BBOX1: variants seen among roughly 807,000 people sequenced by gnomAD.
BBOX1 encodes the protein gamma-butyrobetaine hydroxylase 1.
A neutral mutation model predicts 41.6 loss-of-function variants in BBOX1; 35 were observed. That is an observed-to-expected ratio of 0.84 (90% CI 0.64 to 1.11). BBOX1 has a LOEUF of 1.11. Ranked by LOEUF, BBOX1 falls within the 50% of genes most tolerant of loss-of-function variation. The probability of loss-of-function intolerance (pLI) is 0.00; values close to 1 mark genes in which losing one functional copy is unlikely to be tolerated. For missense variants in BBOX1, 458 were observed against 460.6 expected, an observed-to-expected ratio of 0.99 and a Z score of 0.05; for synonymous variants, 163 against 154.7, an observed-to-expected ratio of 1.05 and a Z score of -0.40.
intron 4 of BBOX1, among the ~76,000 whole-genome samples, chr11:27,069,176 G>T (rs1234547751): frequency 6.6e-6 from 1 of 151,986 alleles, no homozygotes; most frequent in African/African-American, 2.4e-5. Context: ...GGGCAATGTG[G>T]TCATTCTTAA....
chr11:27,119,800 T>C lies in BBOX1; in HGVS notation c.791T>C (p.Val264Ala). Residue 264 changes from valine to alanine, a missense_variant, in exon 7 of 9, where the codon GTG becomes GCG. Val to Ala is a moderately conservative substitution (Grantham distance 64). Transcript: ENST00000263182. ...STFVDFTDIG[V>A]DYCDFSVQSK... ...TTTGTGGACTTTACAGACATTGGAG[T>C]GGATTACTGTGATTTTTCTGTACAA... 6.3e-7 allele frequency: 1 copy of C among 1,580,488 alleles called. No individual in the cohort carries two copies. Among genetic ancestry groups the C allele is most frequent in the Non-Finnish European group, 8.6e-7 (1 of 1,166,970 alleles).
chr11:27,100,761 G>T (rs939709175), intron 5 of BBOX1, among the ~76,000 whole-genome samples: 3 of 152,060 alleles, frequency 2.0e-5, no homozygotes, highest in Admixed American at 6.6e-5. Flanking sequence ...AATAATTTCT[G>T]TGTCTCATGC....
chr11:27,070,494 C>A (rs537577843), intron 4 of BBOX1, among the ~76,000 whole-genome samples: 1 of 152,152 alleles, frequency 6.6e-6, no homozygotes, highest in East Asian at 1.9e-4. Flanking sequence ...TGGATTGATT[C>A]TTTCATCATT....
chr11:27,051,801 C>A (rs771978085), intron 2 of BBOX1, among the ~76,000 whole-genome samples: 1 of 151,690 alleles, frequency 6.6e-6, no homozygotes, highest in Non-Finnish European at 1.5e-5. Context: ...CTGCTCTAAT[C>A]TTTATTATTT....
At chr11:27,098,799 A>G (rs1012409244) in intron 5 of BBOX1, among the ~76,000 whole-genome samples, 5 of 152,028 alleles carry the variant, frequency 3.3e-5, no homozygotes, top group Non-Finnish European at 5.9e-5. Flanking sequence ...CTTGGTGGGA[A>G]GGGTACAGTG....
chr11:27,052,022 C>T (rs1851685617), intron 2 of BBOX1, among the ~76,000 whole-genome samples: 1 of 151,776 alleles, frequency 6.6e-6, no homozygotes, highest in Non-Finnish European at 1.5e-5. Flanking sequence ...TTTAATTTCT[C>T]TTTTGATTTT....
intron 5 of BBOX1, among the ~76,000 whole-genome samples, chr11:27,108,239 C>T (rs1021062316): frequency 6.6e-6 from 1 of 152,060 alleles, no homozygotes; most frequent in African/African-American, 2.4e-5. Flanking sequence ...CTGGCTAATG[C>T]TTACACCTTG....
chr11:27,067,495 G>C (rs1375108015), intron 4 of BBOX1, among the ~76,000 whole-genome samples: 3 of 151,950 alleles, frequency 2.0e-5, no homozygotes, highest in Non-Finnish European at 4.4e-5. Flanking sequence ...AGGATTTTGG[G>C]AGGCCAAGGC....
intron 5 of BBOX1, among the ~76,000 whole-genome samples, chr11:27,104,881 T>G (rs187220844): frequency 2.0e-5 from 3 of 152,140 alleles, no homozygotes; most frequent in African/African-American, 7.2e-5. Context: ...CTGGTACCCC[T>G]CTGAGACAAA....
chr11:27,111,828 G>A (rs990013179), intron 5 of BBOX1, among the ~76,000 whole-genome samples: 5 of 151,958 alleles, frequency 3.3e-5, no homozygotes, highest in Non-Finnish European at 7.4e-5. Context: ...AATAGTGGAT[G>A]AGGGGAAGTG....
intron 5 of BBOX1, among the ~76,000 whole-genome samples, chr11:27,094,231 TAAC>T (rs1332958676): frequency 6.6e-6 from 1 of 151,974 alleles, no homozygotes; most frequent in Non-Finnish European, 1.5e-5. Context: ...GGTTAAACAC[TAAC>T]AACAGGAAAC....
chr11:27,100,226 A>G (rs569766210), intron 5 of BBOX1, among the ~76,000 whole-genome samples: 1 of 152,144 alleles, frequency 6.6e-6, no homozygotes, highest in Non-Finnish European at 1.5e-5. Context: ...TGAAACAGCT[A>G]CTTGTTTGAA....
At chr11:27,095,016 A>G (rs1368540841) in intron 5 of BBOX1, among the ~76,000 whole-genome samples, 2 of 151,978 alleles carry the variant, frequency 1.3e-5, no homozygotes, top group Non-Finnish European at 2.9e-5. Context: ...GTTCACTGAT[A>G]AGGAAACTGA....
At chr11:27,119,924 A>G in intron 7 of BBOX1, 79 bp downstream of exon 7, 1 of 879,438 alleles carries the variant, frequency 1.1e-6, no homozygotes. Flanking sequence ...TTTAAACAGC[A>G]CAAAACTTCA....
intron 5 of BBOX1, among the ~76,000 whole-genome samples, chr11:27,103,759 T>C (rs920192039): frequency 1.3e-5 from 2 of 152,074 alleles, no homozygotes; most frequent in Non-Finnish European, 2.9e-5. Flanking sequence ...GTGGCCTGTC[T>C]TTCTGACATG....
chr11:27,124,880 T>G (rs1195110584), intron 7 of BBOX1, among the ~76,000 whole-genome samples: 1 of 152,192 alleles, frequency 6.6e-6, no homozygotes, highest in African/African-American at 2.4e-5. Context: ...ATAATCCATA[T>G]TTTGAGAAAG....
intron 5 of BBOX1, among the ~76,000 whole-genome samples, chr11:27,093,839 A>T (rs1023930961): frequency 6.6e-6 from 1 of 151,734 alleles, no homozygotes; most frequent in Non-Finnish European, 1.5e-5. Context: ...TCTTCTTCTG[A>T]TATGGACACC....
chr11:27,064,921 C>CG (rs1857237940), intron 4 of BBOX1, among the ~76,000 whole-genome samples: 2 of 149,362 alleles, frequency 1.3e-5, no homozygotes, highest in Admixed American at 6.7e-5. Flanking sequence ...AAAAAAACAA[C>CG]AAAAAAAACA....
intron 3 of BBOX1, among the ~76,000 whole-genome samples, chr11:27,056,418 C>T (rs528995604): frequency 7.2e-5 from 11 of 152,044 alleles, no homozygotes; most frequent in South Asian, 6.2e-4. Context: ...CCACCATGCC[C>T]GGCTAATTTT....
Sources: gnomAD v4.1 joint callset for allele counts (sites outside exome capture counted in the v4.1 genomes callset) on GRCh38, gnomAD v4.1.1 for gene constraint, MANE v1.5 for transcripts, NCBI Gene and HGNC (gene_info 2026-07-23, HGNC 2026-07-21) for gene names.